The following TTC29 variants were observed in gnomAD, a reference collection of about 807,000 sequenced individuals.
TTC29 encodes tetratricopeptide repeat protein 29.
Under a neutral mutation model 58.1 loss-of-function variants are expected in TTC29, and 49 were observed. The observed-to-expected ratio is 0.84, with a 90% CI of 0.67 to 1.07. The LOEUF (loss-of-function observed/expected upper bound fraction) is 1.07, where lower values mean the gene tolerates loss of function less well. Among genes scored for constraint, TTC29 ranks in the 50% least tolerant of loss-of-function variants. TTC29 has a pLI of 0.00. For missense variants in TTC29, 582 were observed against 555.6 expected (o/e 1.05, Z -0.48); for synonymous variants, 209 against 196.8 (o/e 1.06, Z -0.52).
intron 6 of TTC29, among the ~76,000 whole-genome samples, chr4:146,902,496 C>A (rs563840651): frequency 6.6e-6 from 1 of 152,316 alleles, no homozygotes; most frequent in East Asian, 1.9e-4. Context: ...ACACTTCCCA[C>A]TGGACGCAGG....
chr4:146,872,141 T>C (rs1730974231), intron 7 of TTC29, among the ~76,000 whole-genome samples: 1 of 152,042 alleles, frequency 6.6e-6, no homozygotes, highest in African/African-American at 2.4e-5. Context: ...TTACAATGTA[T>C]TGAGAAAAGA....
At chr4:146,839,363 G>GAT in intron 8 of TTC29, among the ~76,000 whole-genome samples, 1 of 152,052 alleles carries the variant, frequency 6.6e-6, no homozygotes, top group African/African-American at 2.4e-5. Context: ...CCAACACAAA[G>GAT]ATAAATGTTT....
chr4:146,762,622 G>A (rs553326527), intron 11 of TTC29, among the ~76,000 whole-genome samples: 34 of 151,984 alleles, frequency 2.2e-4, no homozygotes, highest in Non-Finnish European at 1.2e-4. Flanking sequence ...TTTAGAAATT[G>A]TTTATCTAGC....
intron 11 of TTC29, among the ~76,000 whole-genome samples, chr4:146,742,603 C>T (rs558210397): frequency 3.2e-3 from 486 of 150,892 alleles, no homozygotes; most frequent in African/African-American, 0.011. Context: ...CCTTCCTTCC[C>T]TCCCTTCCTT....
intron 5 of TTC29, among the ~76,000 whole-genome samples, chr4:146,905,918 C>A (rs1430285179): frequency 6.6e-6 from 1 of 152,164 alleles, no homozygotes; most frequent in Admixed American, 6.5e-5. Flanking sequence ...TACATCAAAT[C>A]TGTAAACACC....
At chr4:146,942,710 G>GA in intron 2 of TTC29, 1 of 1,292,174 alleles carries the variant, frequency 7.7e-7, no homozygotes, top group Non-Finnish European at 1.1e-6. Context: ...AGGGAGAGAA[G>GA]AAAACAACTA....
chr4:146,901,589 G>A (rs1046034799), intron 6 of TTC29, among the ~76,000 whole-genome samples: 8 of 152,044 alleles, frequency 5.3e-5, no homozygotes, highest in Non-Finnish European at 1.0e-4. Flanking sequence ...AGTCACACTG[G>A]CCTTCTTGCT....
rs1403501877 is a variant in TTC29 at position 146,788,997 on chromosome 4, C to G, written c.1330+14460G>C. Among the ~76,000 whole-genome samples the G allele has an allele frequency of 2.0e-5, 3 of 152,102 alleles. No homozygotes were observed. The South Asian group carries it at 6.2e-4, about 32-fold the overall frequency. On this transcript the variant is annotated intron_variant, in intron 11 of 12. Coordinates refer to ENST00000325106, the MANE Select transcript of TTC29 (RefSeq NM_031956.4). ...AAAGGAGGTGATGGGGATAGATGCA[C>G]TGAATAAAAGCACTGATTTGAAGTG... is the stretch of plus-strand genomic sequence containing the variant.
At chr4:146,936,426 G>A (rs574187598) in intron 4 of TTC29, among the ~76,000 whole-genome samples, 302 of 151,966 alleles carry the variant, frequency 2.0e-3, no homozygotes, top group African/African-American at 6.2e-3. Flanking sequence ...ATCCAAATAC[G>A]GCATACATAT....
chr4:146,773,105 T>A (rs1747849096), intron 11 of TTC29, among the ~76,000 whole-genome samples: 1 of 152,174 alleles, frequency 6.6e-6, no homozygotes, highest in Admixed American at 6.6e-5. Context: ...GTTTATCACA[T>A]CAAGGAGCTT....
Position 146,803,484 on chromosome 4 carries a change from C to A in TTC29, c.1303G>T (p.Gly435Cys). The change falls in exon 11 of 13, where the codon GGT becomes TGT. Residue 435 changes from glycine to cysteine, a missense_variant. Gly to Cys is a radical substitution (Grantham distance 159, BLOSUM62 -3). Transcript: ENST00000325106. ...GTAACTGGATCAGGTTCAATGTTAC[C>A]TCTGCTCTCCTTCCATGACAGCAGG... is the stretch of plus-strand genomic sequence containing the variant. The part of the protein sequence containing the change: ...NYLLSWKESR[G>C]NIEPDPVTEE... 6.3e-7 allele frequency: 1 copy of A among 1,590,980 alleles called. No homozygotes were observed. The highest frequency in any genetic ancestry group is 8.6e-7 in the Non-Finnish European group (1 of 1,166,898).
chr4:146,895,216 C>G (rs959301938), intron 6 of TTC29, among the ~76,000 whole-genome samples: 1 of 152,108 alleles, frequency 6.6e-6, no homozygotes, highest in Non-Finnish European at 1.5e-5. Flanking sequence ...GCTGGCTCTT[C>G]TTCACACTGA....
chr4:146,810,616 G>A (rs1750959430), intron 10 of TTC29, among the ~76,000 whole-genome samples: 1 of 140,028 alleles, frequency 7.1e-6, no homozygotes, highest in Admixed American at 7.4e-5. Flanking sequence ...TTTTGAGGTG[G>A]ACTCTCACTC....
intron 7 of TTC29, among the ~76,000 whole-genome samples, chr4:146,872,381 C>T (rs1484300468): frequency 6.6e-6 from 1 of 151,972 alleles, no homozygotes. Context: ...AAAAGAAAAA[C>T]TAGACGAACT....
chr4:146,713,900 A>G (rs1742723318), intron 11 of TTC29, among the ~76,000 whole-genome samples: 1 of 152,186 alleles, frequency 6.6e-6, no homozygotes, highest in Admixed American at 6.6e-5. Flanking sequence ...AGGTCTATTA[A>G]TCTGTCCAGA....
At chr4:146,727,274 T>C (rs907315534) in intron 11 of TTC29, among the ~76,000 whole-genome samples, 1 of 152,176 alleles carries the variant, frequency 6.6e-6, no homozygotes, top group East Asian at 1.9e-4. Context: ...CCATATACCA[T>C]GCACAGTCTC....
At chr4:146,763,796 CAAA>C (rs1747087319) in intron 11 of TTC29, 1 of 152,038 alleles carries the variant, frequency 6.6e-6, no homozygotes, top group South Asian at 2.1e-4. Flanking sequence ...CCGTGACTTC[CAAA>C]CTTGCTACAC....
At chr4:146,921,198 T>C (rs17022130) in intron 4 of TTC29, among the ~76,000 whole-genome samples, 23,918 of 151,336 alleles carry the variant, frequency 0.16, 3,023 homozygotes, top group African/African-American at 0.34. Flanking sequence ...ATGCTTTGGC[T>C]AGAAAACATC....
intron 8 of TTC29, among the ~76,000 whole-genome samples, chr4:146,851,749 T>C (rs956640696): frequency 5.9e-5 from 9 of 152,240 alleles, no homozygotes; most frequent in African/African-American, 2.2e-4. Flanking sequence ...CCAGAGTTTT[T>C]CTGAATTTCA....
Sources: allele counts gnomAD v4.1 joint callset (sites outside exome capture counted in the v4.1 genomes callset), GRCh38; gene constraint gnomAD v4.1.1; transcripts MANE v1.5; gene names NCBI Gene and HGNC (gene_info 2026-07-23, HGNC 2026-07-21).